ARMC3: variants seen among roughly 807,000 people sequenced by gnomAD.
The protein encoded by ARMC3 is armadillo repeat-containing protein 3.
Under a neutral mutation model 90.3 loss-of-function variants are expected in ARMC3, and 74 were observed. That is an observed-to-expected ratio of 0.82 (90% CI 0.68 to 0.99). The LOEUF is 0.99. ARMC3 is among the 50% of genes least tolerant of loss of function. ARMC3 has a pLI of 0.00. For missense variants in ARMC3, 958 were observed against 1,042.8 expected (o/e 0.92, Z 1.12); for synonymous variants, 334 against 361.8 (o/e 0.92, Z 0.87).
At chr10:23,032,838 T>C (rs1274333989) in intron 17 of ARMC3, 23 bp from the exon 18 acceptor site, 1 of 1,599,614 alleles carries the variant, frequency 6.3e-7, no homozygotes, top group Non-Finnish European at 8.5e-7. Context: ...TTGACCGATT[T>C]GATCTCAATG....
Position 22,967,613 on chromosome 10 carries a change from T to C in ARMC3, c.733-693T>C, listed in dbSNP as rs150759332. On this transcript the variant is annotated intron_variant, in intron 7 of 18. Coordinates refer to ENST00000298032, the MANE Select transcript of ARMC3 (RefSeq NM_173081.5). ...ATTCTGGACAACCTTGCCAAAGCCC[T>C]GCAAGGTATTGCCACCTAGTTGGTG... is the stretch of plus-strand genomic sequence containing the variant. Among the ~76,000 whole-genome samples the C allele has an allele frequency of 3.3e-3, 500 of 152,316 alleles. 3 individuals carry two copies. The highest frequency in any genetic ancestry group is 6.8e-3 in the Middle Eastern group (2 of 294).
chr10:22,950,152 A>G (rs11511183), intron 3 of ARMC3, among the ~76,000 whole-genome samples: 28,208 of 152,006 alleles, frequency 0.19, 2,750 homozygotes, highest in South Asian at 0.22. Context: ...GAGGCCTTTT[A>G]GGCAGAAGGA....
intron 3 of ARMC3, among the ~76,000 whole-genome samples, chr10:22,954,309 A>G (rs1443167641): frequency 6.6e-6 from 1 of 152,164 alleles, no homozygotes; most frequent in Non-Finnish European, 1.5e-5. Context: ...CACAATTTGT[A>G]GAATATCTTT....
chr10:23,033,158 AGT>A, intron 18 of ARMC3, 135 bp downstream of exon 18: 3 of 815,332 alleles, frequency 3.7e-6, no homozygotes, highest in Non-Finnish European at 5.7e-6. Flanking sequence ...TCTACATATA[AGT>A]GTATATATAC....
chr10:23,030,470 C>A, intron 16 of ARMC3, 126 bp from the exon 17 acceptor site: 2 of 1,445,462 alleles, frequency 1.4e-6, no homozygotes, highest in Non-Finnish European at 1.8e-6. Context: ...CCACACAGTT[C>A]AATCTCATGT....
chr10:22,949,648 T>C (rs924067031), intron 3 of ARMC3, among the ~76,000 whole-genome samples: 4 of 152,156 alleles, frequency 2.6e-5, no homozygotes, highest in Non-Finnish European at 4.4e-5. Context: ...ATATGTGTAA[T>C]TGGAGTCTCT....
At chr10:22,985,935 G>A (rs1036368010) in intron 10 of ARMC3, among the ~76,000 whole-genome samples, 4 of 152,106 alleles carry the variant, frequency 2.6e-5, no homozygotes, top group Non-Finnish European at 4.4e-5. Flanking sequence ...TCACCTTGGC[G>A]AAGCTACTTA....
chr10:22,981,585 C>T lies in ARMC3; in HGVS notation c.1070-10C>T, dbSNP rs1211505335. 2.5e-6 allele frequency: 4 copies of T among 1,613,868 alleles called. No homozygotes were observed. The highest frequency in any genetic ancestry group is 3.4e-6 in the Non-Finnish European group (4 of 1,179,904). On this transcript the variant is annotated splice_polypyrimidine_tract_variant and intron_variant, in intron 9 of 18. Transcript: ENST00000298032. ...TTAAAAGTCACATTTTTACCTTTCT[C>T]TTTCTGTAGGGATTCCACAGTTAAT...
chr10:22,929,252 A>AAGAGAGAGAG (rs139581937), intron 1 of ARMC3, among the ~76,000 whole-genome samples: 2 of 149,738 alleles, frequency 1.3e-5, no homozygotes, highest in Non-Finnish European at 3.0e-5. Flanking sequence ...AAAAAAAGAG[A>AAGAGAGAGAG]AGAGAGAGAG....
chr10:22,950,938 CTTTTT>C (rs1192107878), intron 3 of ARMC3, among the ~76,000 whole-genome samples: 1 of 137,088 alleles, frequency 7.3e-6, no homozygotes, highest in Non-Finnish European at 1.6e-5. Flanking sequence ...TGTGAAAAAT[CTTTTT>C]TTTTTTTTTT....
At chr10:23,002,173 G>A (rs531152426) in intron 12 of ARMC3, 118 bp downstream of exon 12, 1 of 1,407,160 alleles carries the variant, frequency 7.1e-7, no homozygotes, top group African/African-American at 1.4e-5. Flanking sequence ...GTCCGCTGAA[G>A]CGCTGCATGT....
chr10:23,037,121 C>A (rs1839151736), intron 18 of ARMC3, 149 bp from the exon 19 acceptor site: 4 of 658,996 alleles, frequency 6.1e-6, no homozygotes, highest in East Asian at 5.5e-5. Flanking sequence ...GCCCCTATAC[C>A]AATAGTCCAC....
intron 16 of ARMC3, among the ~76,000 whole-genome samples, chr10:23,019,387 A>C (rs977884642): frequency 9.9e-5 from 15 of 152,214 alleles, no homozygotes; most frequent in Non-Finnish European, 1.6e-4. Flanking sequence ...TTTATTTTAA[A>C]ATTGATTTCT....
At chr10:22,983,151 C>T (rs1836267216) in intron 10 of ARMC3, among the ~76,000 whole-genome samples, 2 of 152,110 alleles carry the variant, frequency 1.3e-5, no homozygotes, top group Admixed American at 6.5e-5. Flanking sequence ...TTATCAGAGA[C>T]ACTAAACCAT....
intron 18 of ARMC3, among the ~76,000 whole-genome samples, chr10:23,036,469 C>T (rs1319107295): frequency 1.3e-5 from 2 of 152,224 alleles, no homozygotes; most frequent in Non-Finnish European, 2.9e-5. Flanking sequence ...GTGTTCGCTG[C>T]TTTAAGCACT....
At chr10:22,983,418 TC>T (rs1273307391) in intron 10 of ARMC3, among the ~76,000 whole-genome samples, 2 of 152,192 alleles carry the variant, frequency 1.3e-5, no homozygotes, top group African/African-American at 4.8e-5. Context: ...CATAGAAAGG[TC>T]AGTCAGGACT....
chr10:23,004,180 C>T (rs190981565), intron 13 of ARMC3, among the ~76,000 whole-genome samples: 32 of 151,426 alleles, frequency 2.1e-4, no homozygotes, highest in Non-Finnish European at 3.7e-4. Flanking sequence ...ATCTGTATTA[C>T]ATGAATGTTG....
intron 2 of ARMC3, among the ~76,000 whole-genome samples, chr10:22,936,081 G>T (rs1588806443): frequency 6.6e-6 from 1 of 152,148 alleles, no homozygotes; most frequent in East Asian, 1.9e-4. Context: ...TCATAATTTT[G>T]TATTTTTTTT....
intron 10 of ARMC3, among the ~76,000 whole-genome samples, chr10:22,982,660 GCCTTA>G (rs2131342761): frequency 6.6e-6 from 1 of 152,300 alleles, no homozygotes; most frequent in Non-Finnish European, 1.5e-5. Flanking sequence ...GATTAAGACT[GCCTTA>G]TAAGACAGTA....
Sources: gnomAD v4.1 joint callset for allele counts (sites outside exome capture counted in the v4.1 genomes callset) on GRCh38, gnomAD v4.1.1 for gene constraint, MANE v1.5 for transcripts, NCBI Gene and HGNC (gene_info 2026-07-23, HGNC 2026-07-21) for gene names.